The following ST6GALNAC3 variants were observed in gnomAD, a reference collection of about 807,000 sequenced individuals.
The protein encoded by ST6GALNAC3 is alpha-N-acetylgalactosaminide alpha-2,6-sialyltransferase 3.
Under a neutral mutation model 32.7 loss-of-function variants are expected in ST6GALNAC3, and 25 were observed. The ratio of observed to expected loss-of-function variants is 0.76; its 90% confidence interval spans 0.56 to 1.07. The LOEUF is 1.07. Among genes scored for constraint, ST6GALNAC3 ranks in the 50% least tolerant of loss-of-function variants. The pLI is 0.00. For missense variants in ST6GALNAC3, 355 were observed against 382.4 expected (o/e 0.93, Z 0.60); for synonymous variants, 129 against 133.1 (o/e 0.97, Z 0.21).
At chr1:76,143,092 C>T (rs184095) in intron 1 of ST6GALNAC3, among the ~76,000 whole-genome samples, 86,046 of 152,042 alleles carry the variant, frequency 0.57, 25,736 homozygotes, top group East Asian at 0.84. Flanking sequence ...AAATTGAACT[C>T]ACCCTGTTTA....
chr1:76,224,073 T>C (rs1158257845), intron 1 of ST6GALNAC3, among the ~76,000 whole-genome samples: 1 of 152,190 alleles, frequency 6.6e-6, no homozygotes, highest in African/African-American at 2.4e-5. Context: ...CACCCCACAC[T>C]GACCTATTAT....
chr1:76,425,640 A>G (rs1008171032), intron 3 of ST6GALNAC3, among the ~76,000 whole-genome samples: 1 of 151,960 alleles, frequency 6.6e-6, no homozygotes, highest in Admixed American at 6.6e-5. Flanking sequence ...TCACCTCCTT[A>G]TTTTTAATAT....
At chr1:76,251,813 A>G (rs1253872304) in intron 1 of ST6GALNAC3, among the ~76,000 whole-genome samples, 5 of 151,964 alleles carry the variant, frequency 3.3e-5, no homozygotes, top group Non-Finnish European at 7.4e-5. Flanking sequence ...CCATACCTCC[A>G]TCTATAAACC....
chr1:76,270,229 AGGCACGGTG>A (rs1658760255), intron 1 of ST6GALNAC3, among the ~76,000 whole-genome samples: 1 of 152,202 alleles, frequency 6.6e-6, no homozygotes, highest in African/African-American at 2.4e-5. Context: ...GCAACTGGCC[AGGCACGGTG>A]GCTCACATCT....
chr1:76,462,265 T>G (rs1658330847), intron 3 of ST6GALNAC3, among the ~76,000 whole-genome samples: 1 of 151,998 alleles, frequency 6.6e-6, no homozygotes, highest in Non-Finnish European at 1.5e-5. Context: ...ATACGTGAAT[T>G]AATAGGTTGT....
chr1:76,114,445 A>C (rs1416264179), intron 1 of ST6GALNAC3, among the ~76,000 whole-genome samples: 1 of 152,180 alleles, frequency 6.6e-6, no homozygotes, highest in South Asian at 2.1e-4. Flanking sequence ...ACACCTCAGC[A>C]ATAGAGTGAT....
At chr1:76,397,955 T>C (rs1398513173) in intron 2 of ST6GALNAC3, among the ~76,000 whole-genome samples, 1 of 151,920 alleles carries the variant, frequency 6.6e-6, no homozygotes, top group East Asian at 1.9e-4. Flanking sequence ...TGATTTTTTT[T>C]CTTCTCTATT....
At chr1:76,604,799 G>T (rs142497528) in intron 3 of ST6GALNAC3, among the ~76,000 whole-genome samples, 1 of 152,076 alleles carries the variant, frequency 6.6e-6, no homozygotes, top group African/African-American at 2.4e-5. Context: ...TCACCATCCC[G>T]TCTTGTTTTC....
chr1:76,451,633 C>T (rs995613504), intron 3 of ST6GALNAC3, among the ~76,000 whole-genome samples: 1 of 152,100 alleles, frequency 6.6e-6, no homozygotes, highest in Admixed American at 6.6e-5. Context: ...GTTCTTTCAC[C>T]TCCTTGGTTA....
At chr1:76,124,207 A>G (rs535257884) in intron 1 of ST6GALNAC3, among the ~76,000 whole-genome samples, 6 of 152,306 alleles carry the variant, frequency 3.9e-5, no homozygotes, top group African/African-American at 1.4e-4. Context: ...GGGCAATTCA[A>G]TTCATCTCGT....
chr1:76,306,848 T>A (rs577761314), intron 1 of ST6GALNAC3, among the ~76,000 whole-genome samples: 35 of 152,216 alleles, frequency 2.3e-4, no homozygotes, highest in African/African-American at 7.5e-4. Context: ...TCTCATTTTA[T>A]TCAGGGAGTA....
At chr1:76,396,237 G>A (rs931410434) in intron 2 of ST6GALNAC3, among the ~76,000 whole-genome samples, 1 of 152,150 alleles carries the variant, frequency 6.6e-6, no homozygotes, top group African/African-American at 2.4e-5. Flanking sequence ...GACCAAGGTG[G>A]GAGGATTGCA....
At chr1:76,140,631 T>TTC (rs1650256206) in intron 1 of ST6GALNAC3, among the ~76,000 whole-genome samples, 1 of 3,278 alleles carries the variant, frequency 3.1e-4, no homozygotes, top group Non-Finnish European at 0.016. Context: ...CTTTCTTTCT[T>TTC]TTTTTTTTTT....
intron 1 of ST6GALNAC3, among the ~76,000 whole-genome samples, chr1:76,259,026 T>C (rs1570606586): frequency 6.6e-6 from 1 of 152,180 alleles, no homozygotes; most frequent in African/African-American, 2.4e-5. Flanking sequence ...TCTCCCTACC[T>C]TCTCAATTCT....
intron 1 of ST6GALNAC3, among the ~76,000 whole-genome samples, chr1:76,114,097 C>A (rs1332045650): frequency 6.6e-6 from 1 of 151,506 alleles, no homozygotes; most frequent in African/African-American, 2.4e-5. Context: ...CCCGCCTCGG[C>A]CTCCCAACGT....
intron 2 of ST6GALNAC3, among the ~76,000 whole-genome samples, chr1:76,381,310 C>T (rs1239173989): frequency 1.3e-5 from 2 of 151,882 alleles, no homozygotes; most frequent in African/African-American, 4.8e-5. Flanking sequence ...CCTTGCTTTG[C>T]CAGGGGCAAG....
At chr1:76,192,023 G>A (rs1449520851) in intron 1 of ST6GALNAC3, among the ~76,000 whole-genome samples, 1 of 152,004 alleles carries the variant, frequency 6.6e-6, no homozygotes, top group Admixed American at 6.6e-5. Flanking sequence ...GGGGTAAGGG[G>A]GCCTGAGTTA....
intron 3 of ST6GALNAC3, among the ~76,000 whole-genome samples, chr1:76,570,389 T>C (rs1384538737): frequency 6.6e-6 from 1 of 151,996 alleles, no homozygotes; most frequent in African/African-American, 2.4e-5. Context: ...TTCTCTTAGA[T>C]CTTCAGTAAT....
At chr1:76,095,756 G>C (rs1479743358) in intron 1 of ST6GALNAC3, among the ~76,000 whole-genome samples, 1 of 152,188 alleles carries the variant, frequency 6.6e-6, no homozygotes, top group Non-Finnish European at 1.5e-5. Flanking sequence ...GGGGGAAGGA[G>C]TGTGGGAGGG....
Sources: allele counts gnomAD v4.1 joint callset (sites outside exome capture counted in the v4.1 genomes callset), GRCh38; gene constraint gnomAD v4.1.1; transcripts MANE v1.5; gene names NCBI Gene and HGNC (gene_info 2026-07-23, HGNC 2026-07-21).